CSMD1: variants seen among roughly 807,000 people sequenced by gnomAD.
CSMD1 encodes CUB and sushi domain-containing protein 1.
CSMD1 carries 213 observed loss-of-function variants against 417.5 expected under a neutral mutation model. The observed-to-expected ratio is 0.51, with a 90% confidence interval of 0.46 to 0.57. The LOEUF is 0.57. Ranked by LOEUF, CSMD1 falls within the 20% of genes least tolerant of loss-of-function variation. CSMD1 has a pLI of 0.00. For synonymous variants in CSMD1, 2,862 were observed against 1,736.8 expected, an observed-to-expected ratio of 1.65 and a Z score of -16.11; for missense variants, 6,923 against 4,529.7, an observed-to-expected ratio of 1.53 and a Z score of -15.17.
rs1002604649 is a variant in CSMD1, at chr8:3,659,138, A to G, written c.1010-42341T>C. Among the ~76,000 whole-genome samples, 7 of 152,336 alleles carry G rather than the reference A, an allele frequency of 4.6e-5. No homozygotes were observed. The East Asian group carries it at 9.7e-4, about 21-fold the overall frequency. ...TAGATAGCACATAAATCCTTAAAAT[A>G]AAATGTAACTTGTTGCAGATTCATG... On this transcript the variant is annotated intron_variant, in intron 7 of 69. Transcript: ENST00000635120.
chr8:4,373,721 T>C (rs1394361280), intron 3 of CSMD1, among the ~76,000 whole-genome samples: 1 of 152,218 alleles, frequency 6.6e-6, no homozygotes, highest in African/African-American at 2.4e-5. Context: ...CTGTCATCTT[T>C]CCCTCCGGGG....
At chr8:4,656,221 G>T (rs1804219749) in intron 1 of CSMD1, among the ~76,000 whole-genome samples, 1 of 152,014 alleles carries the variant, frequency 6.6e-6, no homozygotes, top group South Asian at 2.1e-4. Context: ...ATATGGCTGT[G>T]GAAAAGCCTT....
intron 7 of CSMD1, among the ~76,000 whole-genome samples, chr8:3,694,898 G>C (rs1800461882): frequency 6.6e-6 from 1 of 152,064 alleles, no homozygotes; most frequent in Non-Finnish European, 1.5e-5. Context: ...TTCTGGGTGT[G>C]AGGGGAAATC....
chr8:4,233,837 AT>A (rs1472167879), intron 3 of CSMD1, among the ~76,000 whole-genome samples: 1 of 152,094 alleles, frequency 6.6e-6, no homozygotes, highest in Non-Finnish European at 1.5e-5. Flanking sequence ...GTTAATTATT[AT>A]TTGGCCATAT....
chr8:4,098,058 CACTT>C (rs1801114006), intron 3 of CSMD1, among the ~76,000 whole-genome samples: 1 of 152,136 alleles, frequency 6.6e-6, no homozygotes, highest in Non-Finnish European at 1.5e-5. Context: ...AGAGAATGCT[CACTT>C]AAAGTTCTTG....
chr8:3,956,091 C>T (rs1000001014), intron 5 of CSMD1, among the ~76,000 whole-genome samples: 7 of 152,180 alleles, frequency 4.6e-5, no homozygotes, highest in African/African-American at 1.7e-4. Flanking sequence ...CCACCGTGCT[C>T]GGCCAGGTTT....
chr8:3,751,156 T>C (rs1010770386), intron 6 of CSMD1, among the ~76,000 whole-genome samples: 4 of 152,152 alleles, frequency 2.6e-5, no homozygotes, highest in African/African-American at 9.7e-5. Context: ...GTCTTGGAGC[T>C]GAACTTTAAA....
At chr8:3,682,591 G>A (rs551206676) in intron 7 of CSMD1, among the ~76,000 whole-genome samples, 1 of 152,170 alleles carries the variant, frequency 6.6e-6, no homozygotes, top group South Asian at 2.1e-4. Flanking sequence ...GACACTGTTG[G>A]TGGGACTGTA....
rs1806249401 is a variant in CSMD1, at chr8:3,322,919, A to T, written c.3632-14416T>A. On this transcript the variant is annotated intron_variant, in intron 23 of 69. Transcript: ENST00000635120. ...CTGTGATTCCTAGATAAGTCTCTGA[A>T]TTGTTTTTTGCTTTTTTTTGTTTTT... is the stretch of plus-strand genomic sequence containing the variant. 5.3e-5 allele frequency among the ~76,000 whole-genome samples: 8 copies of T among 151,706 alleles called. No homozygotes were observed. In the Admixed American group the frequency reaches 5.3e-4, roughly 10 times the overall value.
chr8:4,062,807 C>T (rs1042926875), intron 3 of CSMD1, among the ~76,000 whole-genome samples: 4 of 151,518 alleles, frequency 2.6e-5, no homozygotes, highest in Non-Finnish European at 5.9e-5. Flanking sequence ...GTCAGCATCA[C>T]GGATGTCTGA....
chr8:4,162,286 T>G (rs1797219227), intron 3 of CSMD1, among the ~76,000 whole-genome samples: 1 of 152,346 alleles, frequency 6.6e-6, no homozygotes, highest in Admixed American at 6.5e-5. Context: ...ATAATAAAGT[T>G]TGCTAAAGAA....
intron 1 of CSMD1, among the ~76,000 whole-genome samples, chr8:4,945,624 A>C (rs57892910): frequency 0.24 from 37,148 of 152,034 alleles, 4,669 homozygotes; most frequent in East Asian, 0.39. Flanking sequence ...GATGTATTCA[A>C]GGTGATAAAG....
chr8:3,967,991 C>G (rs1011435562), intron 5 of CSMD1, among the ~76,000 whole-genome samples: 2 of 132,620 alleles, frequency 1.5e-5, no homozygotes, highest in South Asian at 2.4e-4. Context: ...CACGGTGAAA[C>G]CCCGTCACTG....
chr8:3,628,668 GC>G (rs1168913408), intron 7 of CSMD1, among the ~76,000 whole-genome samples: 4 of 152,050 alleles, frequency 2.6e-5, no homozygotes, highest in Non-Finnish European at 5.9e-5. Context: ...ATCCTCACAG[GC>G]GCCCCGAGAA....
At chr8:3,032,632 G>A (rs183834897) in intron 50 of CSMD1, among the ~76,000 whole-genome samples, 73 of 152,076 alleles carry the variant, frequency 4.8e-4, no homozygotes, top group African/African-American at 1.7e-3. Context: ...TCACATGCCT[G>A]TACGTGGTTT....
chr8:3,193,147 C>T (rs1421530911), intron 33 of CSMD1, among the ~76,000 whole-genome samples: 1 of 152,100 alleles, frequency 6.6e-6, no homozygotes, highest in African/African-American at 2.4e-5. Context: ...GAGAGCTATG[C>T]AAACATATTT....
intron 1 of CSMD1, among the ~76,000 whole-genome samples, chr8:4,723,506 T>A (rs1164636707): frequency 3.3e-5 from 5 of 152,152 alleles, no homozygotes; most frequent in Non-Finnish European, 1.5e-5. Flanking sequence ...CCATTTTGTA[T>A]CTTGTAGGAT....
chr8:3,660,445 G>A (rs1437716810), intron 7 of CSMD1, among the ~76,000 whole-genome samples: 7 of 133,798 alleles, frequency 5.2e-5, no homozygotes, highest in Non-Finnish European at 1.1e-4. Flanking sequence ...ACAGGAGTAA[G>A]AATTTATATG....
At chr8:3,693,368 C>T (rs144156705) in intron 7 of CSMD1, among the ~76,000 whole-genome samples, 15 of 151,730 alleles carry the variant, frequency 9.9e-5, no homozygotes, top group African/African-American at 2.4e-4. Context: ...TGATAAAATC[C>T]GAGTAATGTG....
Sources: gnomAD v4.1 joint callset for allele counts (sites outside exome capture counted in the v4.1 genomes callset) on GRCh38, gnomAD v4.1.1 for gene constraint, MANE v1.5 for transcripts, NCBI Gene and HGNC (gene_info 2026-07-23, HGNC 2026-07-21) for gene names.